Variants in POU2F1 observed in about 807,000 individuals in gnomAD.
The protein encoded by POU2F1 is POU class 2 homeobox 1, also known as POU domain, class 2, transcription factor 1.
A neutral mutation model predicts 84.9 loss-of-function variants in POU2F1; 16 were observed. The observed-to-expected ratio is 0.19, with a 90% confidence interval of 0.13 to 0.29. The LOEUF is 0.29. POU2F1 is among the 10% of genes least tolerant of loss of function. The probability of loss-of-function intolerance (pLI) is 1.00; values close to 1 mark genes in which losing one functional copy is unlikely to be tolerated. For missense variants in POU2F1, 738 were observed against 942.6 expected (o/e 0.78, Z 2.84); for synonymous variants, 368 against 368.3 (o/e 1.00, Z 0.01).
chr1:167,387,587 C>T (rs1030046715), intron 8 of POU2F1, among the ~76,000 whole-genome samples: 4 of 152,180 alleles, frequency 2.6e-5, no homozygotes, highest in Non-Finnish European at 5.9e-5. Context: ...AGCCTTGACT[C>T]ATAAGGTAAA....
intron 7 of POU2F1, among the ~76,000 whole-genome samples, chr1:167,378,056 G>C (rs1660446113): frequency 6.6e-6 from 1 of 151,994 alleles, no homozygotes; most frequent in African/African-American, 2.4e-5. Flanking sequence ...ATATTCTTTT[G>C]GGTATATACC....
chr1:167,296,718 G>A (rs1377120242), intron 1 of POU2F1, among the ~76,000 whole-genome samples: 3 of 152,170 alleles, frequency 2.0e-5, no homozygotes, highest in African/African-American at 2.4e-5. Flanking sequence ...CATTTAGTGT[G>A]AAACTACAAG....
Position 167,374,093 on chromosome 1 carries a change from T to C in POU2F1, c.403-15T>C, listed in dbSNP as rs1660173989. The C allele has an allele frequency of 6.2e-7, 1 of 1,613,648 alleles. No individual in the cohort carries two copies. Among genetic ancestry groups the C allele is most frequent in the Non-Finnish European group, 8.5e-7 (1 of 1,179,818 alleles). On this transcript the variant is annotated splice_polypyrimidine_tract_variant and intron_variant, in intron 5 of 15. Transcript: ENST00000367866. ...CCTTCAACACTTTCCCATAATGTGT[T>C]CTGGTTTTGTTTAGCTTACTTTGAC...
At position 167,421,640 on chromosome 1, in the gene POU2F1, C is replaced by G. The variant is rs1001447890; in HGVS notation, c.*5830C>G. Reference sequence around the variant, plus strand: ...TGTCACCTGGATCTCCTTTCCTTCCCTTCTTTTTCTCATTGAATGGTGGTA... The same window carrying G: ...TGTCACCTGGATCTCCTTTCCTTCCGTTCTTTTTCTCATTGAATGGTGGTA... On this transcript the variant is annotated 3_prime_UTR_variant, in exon 16 of 16. Transcript: ENST00000367866. 6 of 152,122 alleles carry G rather than the reference C, an allele frequency of 3.9e-5. No homozygotes were observed. The highest frequency in any genetic ancestry group is 1.2e-4 in the African/African-American group (5 of 41,408). 9.4% of individuals were successfully genotyped at this position (152,122 alleles called of 1,614,324 possible).
chr1:167,407,349 T>G (rs1460938232), intron 13 of POU2F1, among the ~76,000 whole-genome samples: 1 of 152,208 alleles, frequency 6.6e-6, no homozygotes, highest in Non-Finnish European at 1.5e-5. Flanking sequence ...GATTTATAGA[T>G]TCAACAAAAT....
At chr1:167,221,326 C>T (rs889495477) in intron 1 of POU2F1, among the ~76,000 whole-genome samples, 25 of 150,032 alleles carry the variant, frequency 1.7e-4, no homozygotes, top group Non-Finnish European at 3.0e-4. Flanking sequence ...GGCGGGGCGG[C>T]GGGGCCGGGG....
chr1:167,310,999 G>T (rs372909292), intron 1 of POU2F1, among the ~76,000 whole-genome samples: 18 of 152,220 alleles, frequency 1.2e-4, no homozygotes, highest in African/African-American at 3.6e-4. Flanking sequence ...GGACCTTTAG[G>T]ACTACAACAA....
chr1:167,407,504 A>G (rs995108642), intron 13 of POU2F1, among the ~76,000 whole-genome samples: 14 of 152,246 alleles, frequency 9.2e-5, no homozygotes, highest in African/African-American at 3.4e-4. Context: ...AGTTTACTGT[A>G]AAGCAACAAT....
intron 1 of POU2F1, among the ~76,000 whole-genome samples, chr1:167,280,560 A>G (rs1055994467): frequency 1.3e-5 from 2 of 152,168 alleles, no homozygotes; most frequent in African/African-American, 4.8e-5. Context: ...CTTTAAAACG[A>G]TAGGCAACAC....
intron 1 of POU2F1, among the ~76,000 whole-genome samples, chr1:167,223,439 TGTGTGA>T (rs200163263): frequency 1.3e-5 from 2 of 152,044 alleles, no homozygotes; most frequent in South Asian, 2.1e-4. Flanking sequence ...TGTAGGGGTG[TGTGTGA>T]GTGTGAGTGT....
chr1:167,293,312 A>G (rs1378403109), intron 1 of POU2F1, among the ~76,000 whole-genome samples: 2 of 152,228 alleles, frequency 1.3e-5, no homozygotes, highest in Admixed American at 6.5e-5. Flanking sequence ...TTTACAAATC[A>G]GTAGCACTGC....
At chr1:167,282,699 C>T (rs1266313678) in intron 1 of POU2F1, among the ~76,000 whole-genome samples, 6 of 152,100 alleles carry the variant, frequency 3.9e-5, no homozygotes, top group Non-Finnish European at 8.8e-5. Context: ...ACTTTTCCAC[C>T]CTCATAATAC....
Position 167,316,033 on chromosome 1 carries a change from T to C in POU2F1, c.62-16437T>C, listed in dbSNP as rs1464341260. 2.6e-5 allele frequency among the ~76,000 whole-genome samples: 4 copies of C among 152,130 alleles called. No individual in the cohort carries two copies. In the East Asian group the frequency reaches 7.7e-4, roughly 29 times the overall value. ...TTACCAAAATAACCAGTTATGAAGG[T>C]GGATAGCAGATTAGTGGTTGTTAGG... On this transcript the variant is annotated intron_variant, in intron 1 of 15. Coordinates refer to ENST00000367866, the MANE Select transcript of POU2F1 (RefSeq NM_002697.4).
intron 8 of POU2F1, among the ~76,000 whole-genome samples, chr1:167,385,088 A>G (rs1217716748): frequency 6.6e-6 from 1 of 152,110 alleles, no homozygotes; most frequent in Non-Finnish European, 1.5e-5. Flanking sequence ...AAGAAAAAGA[A>G]ATTTACAGTA....
chr1:167,332,381 A>T, intron 1 of POU2F1, 89 bp from the exon 2 acceptor site: 1 of 892,296 alleles, frequency 1.1e-6, no homozygotes, highest in Non-Finnish European at 1.8e-6. Flanking sequence ...AACATTAGTT[A>T]ACCCTTTTCT....
rs372575516 is a variant in POU2F1, at chr1:167,332,661, T to G, written c.127+126T>G. On this transcript the variant is annotated intron_variant, in intron 2 of 15. Coordinates refer to ENST00000367866, the MANE Select transcript of POU2F1 (RefSeq NM_002697.4). The stretch of plus-strand genomic sequence containing the variant: ...TTGAGTATTGAGTTGTCAAATATGA[T>G]TCAGTCCTTTAGGAACTGGGAGGGA... 4.5e-5 allele frequency: 30 copies of G among 660,678 alleles called. No homozygotes were observed. In the East Asian group the frequency reaches 7.2e-4, roughly 16 times the overall value. 40.9% of individuals were successfully genotyped at this position (660,678 alleles called of 1,614,324 possible). A position where few individuals can be genotyped will look rare whatever the true frequency, so the allele number is the denominator to read the frequency against.
At chr1:167,394,468 A>C (rs1648661230) in intron 9 of POU2F1, among the ~76,000 whole-genome samples, 1 of 152,184 alleles carries the variant, frequency 6.6e-6, no homozygotes, top group African/African-American at 2.4e-5. Context: ...GTTTTATGGT[A>C]ATTGGAATGA....
At position 167,220,890 on chromosome 1, in the gene POU2F1, T is replaced by C. The variant is rs769556813; in HGVS notation, c.-8T>C. ...ATCGACCGGGCGATTTTGGTTAAAA[T>C]ATTCAAAATGGCGGACGGAGGAGCA... On this transcript the variant is annotated 5_prime_UTR_variant, in exon 1 of 16. Coordinates refer to ENST00000367866, the MANE Select transcript of POU2F1 (RefSeq NM_002697.4). 9.1e-6 allele frequency: 14 copies of C among 1,534,542 alleles called. No individual in the cohort carries two copies. Among genetic ancestry groups the C allele is most frequent in the Non-Finnish European group, 1.2e-5 (14 of 1,146,658 alleles).
chr1:167,232,861 G>A (rs1271620291), intron 1 of POU2F1, among the ~76,000 whole-genome samples: 3 of 150,870 alleles, frequency 2.0e-5, no homozygotes, highest in Non-Finnish European at 4.4e-5. Flanking sequence ...AAAAAAAAAA[G>A]TTACAGTAAG....
Sources: allele counts gnomAD v4.1 joint callset (sites outside exome capture counted in the v4.1 genomes callset), GRCh38; gene constraint gnomAD v4.1.1; transcripts MANE v1.5; gene names NCBI Gene and HGNC (gene_info 2026-07-23, HGNC 2026-07-21).